CAP2: variants seen among roughly 807,000 people sequenced by gnomAD.
CAP2 encodes the protein adenylyl cyclase-associated protein 2.
In CAP2, 24 loss-of-function variants were observed where a neutral mutation model predicts 57.7. That is an observed-to-expected ratio of 0.42 (90% CI 0.30 to 0.58). The LOEUF is 0.58. Ranked by LOEUF, CAP2 falls within the 20% of genes least tolerant of loss-of-function variation. The pLI is 0.22. For synonymous variants in CAP2, 194 were observed against 207.2 expected (o/e 0.94, Z 0.55); for missense variants, 501 against 590.3 (o/e 0.85, Z 1.57).
At chr6:17,489,089 TC>T (rs1477962514) in intron 4 of CAP2, among the ~76,000 whole-genome samples, 1 of 152,054 alleles carries the variant, frequency 6.6e-6, no homozygotes, top group Non-Finnish European at 1.5e-5. Flanking sequence ...TAACTTTCCT[TC>T]CAAAATTAAT....
At chr6:17,519,957 G>T (rs993528976) in intron 7 of CAP2, among the ~76,000 whole-genome samples, 9 of 152,094 alleles carry the variant, frequency 5.9e-5, no homozygotes, top group African/African-American at 2.2e-4. Flanking sequence ...ACATATTTCT[G>T]TCCTTTCCTA....
chr6:17,498,230 T>C (rs1761715812), intron 4 of CAP2, among the ~76,000 whole-genome samples: 2 of 152,124 alleles, frequency 1.3e-5, no homozygotes. Flanking sequence ...AGACAAAGAA[T>C]AGTAAGTGGG....
intron 11 of CAP2, among the ~76,000 whole-genome samples, chr6:17,550,149 A>G (rs886847354): frequency 1.3e-5 from 2 of 152,040 alleles, no homozygotes; most frequent in Non-Finnish European, 2.9e-5. Flanking sequence ...CAGGTGGATC[A>G]CCTGAGGTCA....
chr6:17,492,622 G>A (rs148669721), intron 4 of CAP2, among the ~76,000 whole-genome samples: 203 of 152,254 alleles, frequency 1.3e-3, no homozygotes, highest in African/African-American at 4.7e-3. Context: ...TCCATACTCC[G>A]TTCTGATCAG....
chr6:17,432,569 G>T (rs1759762994), intron 3 of CAP2, among the ~76,000 whole-genome samples: 1 of 152,168 alleles, frequency 6.6e-6, no homozygotes, highest in Admixed American at 6.5e-5. Context: ...TCCAAAAAAT[G>T]ACTTGCATCA....
At chr6:17,523,266 C>A (rs144460499) in intron 7 of CAP2, among the ~76,000 whole-genome samples, 2 of 152,168 alleles carry the variant, frequency 1.3e-5, no homozygotes, top group Middle Eastern at 3.4e-3. Flanking sequence ...CACAAAATTT[C>A]CAATCTGGAA....
Position 17,467,970 on chromosome 6 carries a change from C to A in CAP2, c.300+4897C>A, listed in dbSNP as rs186863321. ...CTCCCCGCCTCAGCTCCCCCACTAC[C>A]CTTCCCAGCCTTTGGTAACCATCCT... On this transcript the variant is annotated intron_variant, in intron 4 of 12. Coordinates refer to ENST00000229922, the MANE Select transcript of CAP2 (RefSeq NM_006366.3). Among the ~76,000 whole-genome samples, 8 of 152,300 alleles carry A rather than the reference C, an allele frequency of 5.3e-5. No homozygotes were observed. In the East Asian group the frequency reaches 1.4e-3, roughly 26 times the overall value.
intron 4 of CAP2, among the ~76,000 whole-genome samples, chr6:17,498,425 C>T (rs1761720937): frequency 6.6e-6 from 1 of 152,168 alleles, no homozygotes; most frequent in Non-Finnish European, 1.5e-5. Flanking sequence ...AACACTTTTG[C>T]AGAAAAGACA....
intron 4 of CAP2, among the ~76,000 whole-genome samples, chr6:17,496,199 T>C (rs879859362): frequency 6.6e-6 from 1 of 152,144 alleles, no homozygotes; most frequent in African/African-American, 2.4e-5. Context: ...AGGCCTCTTA[T>C]AGCAGCATCT....
chr6:17,434,486 C>T (rs1466955122), intron 3 of CAP2, among the ~76,000 whole-genome samples: 1 of 152,122 alleles, frequency 6.6e-6, no homozygotes, highest in Non-Finnish European at 1.5e-5. Context: ...GCCTCGGCCT[C>T]CCAAAGTGCT....
chr6:17,513,778 C>A lies in CAP2; in HGVS notation c.531-71C>A. ...CCCCTAGTCACTAGATAACCATGTGCCCCCACAATTTTTTTAAAATTTTAT... is the reference window on the plus strand; with the variant it reads ...CCCCTAGTCACTAGATAACCATGTGACCCCACAATTTTTTTAAAATTTTAT... On this transcript the variant is annotated intron_variant, in intron 6 of 12. Transcript: ENST00000229922. The surrounding 1 kb of genome is among the most constrained non-coding windows in gnomAD (Gnocchi z 4.3). The A allele has an allele frequency of 9.8e-7, 1 of 1,017,606 alleles. No homozygotes were observed. The highest frequency in any genetic ancestry group is 1.5e-6 in the Non-Finnish European group (1 of 648,904). The allele number at this position is 1,017,606 out of a possible 1,614,324, so 63.0% of individuals were successfully genotyped here.
chr6:17,414,860 C>A (rs897648058), intron 1 of CAP2, among the ~76,000 whole-genome samples: 1 of 152,152 alleles, frequency 6.6e-6, no homozygotes, highest in South Asian at 2.1e-4. Flanking sequence ...AACTAATTTA[C>A]CTTCCCACCA....
intron 3 of CAP2, among the ~76,000 whole-genome samples, chr6:17,430,078 C>G (rs997296323): frequency 3.3e-5 from 5 of 152,190 alleles, no homozygotes; most frequent in Non-Finnish European, 5.9e-5. Context: ...AGTCATTTCA[C>G]AGATACCAGT....
At chr6:17,397,311 C>T (rs968786387) in intron 1 of CAP2, among the ~76,000 whole-genome samples, 1 of 152,004 alleles carries the variant, frequency 6.6e-6, no homozygotes, top group African/African-American at 2.4e-5. Flanking sequence ...CTGCCGTTCT[C>T]GGCCTCCCAA....
rs538129406 is a variant in CAP2, at chr6:17,400,141, G to A, written c.-2+6395G>A. On this transcript the variant is annotated intron_variant, in intron 1 of 12. Transcript: ENST00000229922. ...CTTGGGAGGCTGAGGCAGGAGAATC[G>A]CTTGAACCCGGGAGGCGGAGGTTGC... Among the ~76,000 whole-genome samples, 15 of 152,088 alleles carry A rather than the reference G, an allele frequency of 9.9e-5. No homozygotes were observed. In the South Asian group the frequency reaches 1.7e-3, roughly 17 times the overall value.
intron 6 of CAP2, among the ~76,000 whole-genome samples, chr6:17,509,413 C>A (rs532881569): frequency 6.6e-6 from 1 of 152,266 alleles, no homozygotes; most frequent in South Asian, 2.1e-4. Flanking sequence ...TGTGGTGGCT[C>A]ACTCCTGTAA....
At chr6:17,410,443 C>G (rs1244276840) in intron 1 of CAP2, among the ~76,000 whole-genome samples, 11 of 152,198 alleles carry the variant, frequency 7.2e-5, no homozygotes, top group Admixed American at 6.5e-4. Context: ...GTTTTATTCT[C>G]TCACCTGCCT....
chr6:17,399,505 A>G lies in CAP2; in HGVS notation c.-2+5759A>G, dbSNP rs144569178. ...TGTTTCCCTTTCAGTATACAGCCCT[A>G]TACAGAAAGGGACATAGGACATTGT... On this transcript the variant is annotated intron_variant, in intron 1 of 12. Coordinates refer to ENST00000229922, the MANE Select transcript of CAP2 (RefSeq NM_006366.3). 2.1e-3 allele frequency among the ~76,000 whole-genome samples: 323 copies of G among 152,312 alleles called. 3 individuals are homozygous for G. Among genetic ancestry groups the G allele is most frequent in the African/African-American group, 7.6e-3 (314 of 41,566 alleles).
chr6:17,453,002 A>G (rs1170943251), intron 3 of CAP2, among the ~76,000 whole-genome samples: 2 of 152,248 alleles, frequency 1.3e-5, no homozygotes, highest in African/African-American at 2.4e-5. Flanking sequence ...AGTTGGGAAG[A>G]TACAGGGATG....
Sources: allele counts gnomAD v4.1 joint callset (sites outside exome capture counted in the v4.1 genomes callset), GRCh38; gene constraint gnomAD v4.1.1; non-coding constraint Gnocchi (gnomAD v3.1); transcripts MANE v1.5; gene names NCBI Gene and HGNC (gene_info 2026-07-23, HGNC 2026-07-21).